Variants in DMXL1 observed in about 807,000 individuals in gnomAD.
The protein encoded by DMXL1 is dmX-like protein 1.
DMXL1 carries 99 observed loss-of-function variants against 319.2 expected under a neutral mutation model. The observed-to-expected ratio is 0.31, with a 90% CI of 0.26 to 0.37. The LOEUF is 0.37. DMXL1 is among the 10% of genes least tolerant of loss of function. The pLI is 1.00. For missense variants in DMXL1, 3,745 were observed against 3,595.6 expected (o/e 1.04, Z -1.06); for synonymous variants, 1,385 against 1,235.2 (o/e 1.12, Z -2.54).
intron 38 of DMXL1, among the ~76,000 whole-genome samples, chr5:119,231,821 G>C (rs185423064): frequency 1.9e-4 from 29 of 152,276 alleles, no homozygotes; most frequent in African/African-American, 7.0e-4. Context: ...TAATTGATAA[G>C]CATCTAGTTA....
intron 19 of DMXL1, among the ~76,000 whole-genome samples, chr5:119,159,507 A>G (rs369085594): frequency 6.6e-6 from 1 of 152,172 alleles, no homozygotes; most frequent in Non-Finnish European, 1.5e-5. Context: ...CTAGGAAGTT[A>G]TCTATTTCTT....
At position 119,233,328 on chromosome 5, in the gene DMXL1, C is replaced by T. The variant is rs17145004; in HGVS notation, c.8339-12C>T. 3.7e-3 allele frequency: 5,881 copies of T among 1,607,436 alleles called. 119 individuals are homozygous for T. The highest frequency in any genetic ancestry group is 0.034 in the Admixed American group (2,006 of 59,042). On this transcript the variant is annotated splice_polypyrimidine_tract_variant and intron_variant, in intron 38 of 43. Coordinates refer to ENST00000539542, the MANE Select transcript of DMXL1 (RefSeq NM_001290321.3). ...GAAATAAATCTGCAATTTTTGCCCT[C>T]TTGTAATGCAGATCTGACAGGAGCT...
intron 34 of DMXL1, among the ~76,000 whole-genome samples, chr5:119,207,274 TTAA>T (rs916288115): frequency 6.6e-6 from 1 of 152,128 alleles, no homozygotes; most frequent in Non-Finnish European, 1.5e-5. Context: ...AAATTAGGAA[TTAA>T]TGATATTAAA....
At chr5:119,096,269 C>T (rs562228717) in intron 1 of DMXL1, among the ~76,000 whole-genome samples, 9 of 151,860 alleles carry the variant, frequency 5.9e-5, no homozygotes, top group South Asian at 4.2e-4. Flanking sequence ...CTCCACCTCC[C>T]GGGTTCAAGC....
At chr5:119,210,757 G>GTTTTTTTTTTT in intron 34 of DMXL1, among the ~76,000 whole-genome samples, 1 of 89,778 alleles carries the variant, frequency 1.1e-5, no homozygotes, top group Non-Finnish European at 2.1e-5. Context: ...TTTTTCTTTC[G>GTTTTTTTTTTT]TTTTTTTTTT....
intron 34 of DMXL1, among the ~76,000 whole-genome samples, chr5:119,214,296 C>T (rs72784097): frequency 0.026 from 3,972 of 152,270 alleles, 104 homozygotes; most frequent in Non-Finnish European, 0.038. Flanking sequence ...CAAAATGTAT[C>T]CCAATTCCAG....
Position 119,221,026 on chromosome 5 carries a change from C to T in DMXL1, c.8222C>T (p.Thr2741Ile), listed in dbSNP as rs1221774963. 1.2e-6 allele frequency: 2 copies of T among 1,613,870 alleles called. No individual in the cohort carries two copies. The highest frequency in any genetic ancestry group is 1.7e-6 in the Non-Finnish European group (2 of 1,179,848). Residue 2741 changes from threonine to isoleucine, a missense_variant, in exon 37 of 44, where the codon ACT (threonine) becomes ATT (isoleucine). Physicochemically the swap from Thr to Ile is moderately conservative, Grantham distance 89. This residue lies in a region of DMXL1 where 1,382 missense variants were observed against 1,269.5 expected (regional missense o/e 1.09). Coordinates refer to ENST00000539542, the MANE Select transcript of DMXL1 (RefSeq NM_001290321.3). ...CCATATACACATAGCAATCCTGGCA[C>T]TCCAATCAACATGCCATGGCTTGGT... is the stretch of plus-strand genomic sequence containing the variant. ...TTPYTHSNPG[T>I]PINMPWLGST...
intron 23 of DMXL1, among the ~76,000 whole-genome samples, chr5:119,168,619 C>T (rs1773911936): frequency 6.6e-6 from 1 of 152,228 alleles, no homozygotes; most frequent in East Asian, 1.9e-4. Flanking sequence ...TTGTTTAAGT[C>T]TCCTAGCCAT....
intron 42 of DMXL1, among the ~76,000 whole-genome samples, chr5:119,241,723 A>G (rs1236978711): frequency 1.3e-5 from 2 of 152,120 alleles, no homozygotes; most frequent in African/African-American, 4.8e-5. Context: ...GGTGTTATTC[A>G]AGGTTTACAC....
intron 25 of DMXL1, among the ~76,000 whole-genome samples, chr5:119,173,563 A>G (rs1391363858): frequency 1.3e-5 from 2 of 150,980 alleles, no homozygotes; most frequent in African/African-American, 2.4e-5. Context: ...TGGTTGGCGC[A>G]TGTTGACAGC....
At chr5:119,114,199 A>G (rs1760297906) in intron 5 of DMXL1, among the ~76,000 whole-genome samples, 2 of 152,190 alleles carry the variant, frequency 1.3e-5, no homozygotes, top group Admixed American at 1.3e-4. Flanking sequence ...AAATGAAACC[A>G]TTCTCTCTCA....
chr5:119,140,362 A>AGTAC, intron 13 of DMXL1, among the ~76,000 whole-genome samples: 1 of 152,062 alleles, frequency 6.6e-6, no homozygotes, highest in East Asian at 1.9e-4. Context: ...TAATAAGATA[A>AGTAC]GTACGTTGCT....
At chr5:119,137,346 C>T (rs572097059) in intron 13 of DMXL1, among the ~76,000 whole-genome samples, 1 of 152,200 alleles carries the variant, frequency 6.6e-6, no homozygotes, top group East Asian at 1.9e-4. Context: ...TTTACAGGCT[C>T]ATAGGCAGAA....
chr5:119,091,008 T>A (rs981752959), intron 1 of DMXL1, among the ~76,000 whole-genome samples: 21 of 152,154 alleles, frequency 1.4e-4, no homozygotes, highest in Admixed American at 9.8e-4. Context: ...TTTGATTTTT[T>A]AAAAATATTT....
chr5:119,171,857 C>T lies in DMXL1; in HGVS notation c.6569C>T (p.Ala2190Val), dbSNP rs1324169343. ...CTCCTCTTTGCTTGTACAGCCAATG[C>T]CAAAACAGTAGTTGCCAATCCATTA... ...VPLLFACTAN[A>V]KTVVANPLLH... The change falls in exon 25 of 44, where the codon GCC becomes GTC. Residue 2190 changes from alanine (A) to valine (V), a missense_variant. Physicochemically the swap from Ala to Val is moderately conservative, Grantham distance 64. This residue lies in a region of DMXL1 where 1,382 missense variants were observed against 1,269.5 expected (regional missense o/e 1.09). Transcript: ENST00000539542. 4 of 1,613,804 alleles carry T rather than the reference C, an allele frequency of 2.5e-6. No individual in the cohort carries two copies. The highest frequency in any genetic ancestry group is 2.2e-5 in the East Asian group (1 of 44,832).
At chr5:119,129,144 A>G (rs2150022085) in intron 9 of DMXL1, 67 bp from the exon 10 acceptor site, 1 of 943,494 alleles carries the variant, frequency 1.1e-6, no homozygotes, top group East Asian at 2.7e-5. Flanking sequence ...TAATAAAAAT[A>G]TGAAACATGG....
rs200411089 is a variant in DMXL1, at chr5:119,189,859, C to T, written c.7287C>T (p.Leu2429=). The change falls in exon 29 of 44, where the codon CTC becomes CTT. Residue 2429 remains leucine (L), a synonymous_variant. Coordinates refer to ENST00000539542, the MANE Select transcript of DMXL1 (RefSeq NM_001290321.3). The part of the protein sequence containing the change: ...AVKEKFIPPE[L]SIWDYFIAKP... The stretch of plus-strand genomic sequence containing the variant: ...AAGAAAAGTTCATCCCACCTGAGCT[C>T]AGTATCTGGGACTATTTCATAGCTA... 9.6e-4 allele frequency: 1,549 copies of T among 1,613,886 alleles called. 4 individuals carry two copies. The highest frequency in any genetic ancestry group is 1.2e-3 in the Non-Finnish European group (1,441 of 1,179,876).
At position 119,240,401 on chromosome 5, in the gene DMXL1, C is replaced by CT. The variant is rs377456338; in HGVS notation, c.8652-5dup. 0.099 allele frequency: 109,527 copies of CT among 1,109,024 alleles called. 19 individuals carry two copies. The highest frequency in any genetic ancestry group is 0.11 in the Non-Finnish European group (84,464 of 787,900). The allele number at this position is 1,109,024 out of a possible 1,614,324, so 68.7% of individuals were successfully genotyped here. ...AGCTTTTGTGTCACTCAGAAGTAAT[C>CT]TTTTTTTTTTTTTCCAGAAACGTAT... On this transcript the variant is annotated splice_polypyrimidine_tract_variant and intron_variant, in intron 41 of 43. Coordinates refer to ENST00000539542, the MANE Select transcript of DMXL1 (RefSeq NM_001290321.3).
In DMXL1 at chr5:119,197,911, T is replaced by G; in HGVS notation, c.7700T>G (p.Ile2567Ser). Residue 2567 changes from isoleucine (I) to serine (S), a missense_variant, in exon 32 of 44, where the codon ATT (isoleucine) becomes AGT (serine). This residue lies in a region of DMXL1 where 1,382 missense variants were observed against 1,269.5 expected (regional missense o/e 1.09). Coordinates refer to ENST00000539542, the MANE Select transcript of DMXL1 (RefSeq NM_001290321.3). ...AEESLSAGPAILRHKALLEPT... is the reference protein window; with the variant it reads ...AEESLSAGPASLRHKALLEPT... The stretch of plus-strand genomic sequence containing the variant: ...GAGAGTTTGTCTGCAGGTCCTGCAA[T>G]TCTTCGCCACAAAGCTTTACTGGAA... 2 of 1,614,216 alleles carry G rather than the reference T, an allele frequency of 1.2e-6. No homozygotes were observed. Among genetic ancestry groups the G allele is most frequent in the Non-Finnish European group, 1.7e-6 (2 of 1,180,030 alleles).
Sources: allele counts gnomAD v4.1 joint callset (sites outside exome capture counted in the v4.1 genomes callset), GRCh38; gene constraint gnomAD v4.1.1; regional missense constraint gnomAD v4.1.1; transcripts MANE v1.5; gene names NCBI Gene and HGNC (gene_info 2026-07-23, HGNC 2026-07-21).